MAPK10: variants seen among roughly 807,000 people sequenced by gnomAD.
MAPK10 encodes the protein mitogen-activated protein kinase 10, also known as JNK3 alpha protein kinase.
A neutral mutation model predicts 59.3 loss-of-function variants in MAPK10; 25 were observed. The ratio of observed to expected loss-of-function variants is 0.42; its 90% CI spans 0.31 to 0.59. MAPK10 has a LOEUF of 0.59. Among genes scored for constraint, MAPK10 ranks in the 20% least tolerant of loss-of-function variants. The pLI is 0.15. For missense variants in MAPK10, 351 were observed against 568.9 expected, an observed-to-expected ratio of 0.62 and a Z score of 3.90; for synonymous variants, 190 against 200.5, an observed-to-expected ratio of 0.95 and a Z score of 0.44.
chr4:86,311,181 T>C (rs1173705777), intron 2 of MAPK10, among the ~76,000 whole-genome samples: 2 of 152,008 alleles, frequency 1.3e-5, no homozygotes, highest in Non-Finnish European at 1.5e-5. Context: ...ATAGTATAAA[T>C]GTATTAATAT....
At chr4:86,147,474 T>C (rs912822008) in intron 4 of MAPK10, among the ~76,000 whole-genome samples, 2 of 152,206 alleles carry the variant, frequency 1.3e-5, no homozygotes, top group South Asian at 2.1e-4. Flanking sequence ...CAGGCACTAA[T>C]AAATATACCT....
At position 86,546,172 on chromosome 4, in the gene MAPK10, G is replaced by A. The variant is rs186880030; in HGVS notation, c.-263+47738C>T. On this transcript the variant is annotated intron_variant, in intron 1 of 4. Transcript: ENST00000502302. ...TGGGAGGCAGAGGCTGCAGTAAGCC[G>A]AGATGGCGCCATTGCACTCCAGTCT... Among the ~76,000 whole-genome samples the A allele has an allele frequency of 3.0e-4, 45 of 152,202 alleles. No individual in the cohort carries two copies. In the East Asian group the frequency reaches 7.2e-3, roughly 24 times the overall value.
intron 1 of MAPK10, among the ~76,000 whole-genome samples, chr4:86,587,803 A>G (rs1482527600): frequency 2.0e-5 from 3 of 152,204 alleles, no homozygotes; most frequent in Admixed American, 2.0e-4. Context: ...GGCATTTAAA[A>G]CACACACTCT....
intron 8 of MAPK10, chr4:86,100,426 A>G (rs1007895342): frequency 6.6e-6 from 1 of 152,188 alleles, no homozygotes; most frequent in Non-Finnish European, 1.5e-5. Flanking sequence ...TTATGAAAGC[A>G]GTAGTGTCAA....
In MAPK10 at chr4:86,194,104, G is replaced by A. The variant is rs1164877630; in HGVS notation, c.66+232C>T. On this transcript the variant is annotated intron_variant, in intron 3 of 13. Coordinates refer to ENST00000641462, the MANE Select transcript of MAPK10 (RefSeq NM_138982.4). ...ACTCTCTAACCTTTCCCAGTGAGATGAACCAGGTACCTCACGTGGAAATGC... is the reference window on the plus strand; with the variant it reads ...ACTCTCTAACCTTTCCCAGTGAGATAAACCAGGTACCTCACGTGGAAATGC... 6.0e-6 allele frequency: 3 copies of A among 496,882 alleles called. No homozygotes were observed. The East Asian group carries it at 1.1e-4, about 17-fold the overall frequency. 30.8% of individuals were successfully genotyped at this position (496,882 alleles called of 1,614,324 possible). A position where few individuals can be genotyped will look rare whatever the true frequency, so the allele number is the denominator to read the frequency against.
chr4:86,477,777 G>A lies in MAPK10; in HGVS notation c.-263+116133C>T, dbSNP rs143902993. On this transcript the variant is annotated intron_variant, in intron 1 of 4. Transcript: ENST00000502302. ...CTATCCACCCCATGGTGCCAAACCC[G>A]TATACTCTCCTATCCTCAATACCTC... is the stretch of plus-strand genomic sequence containing the variant. Among the ~76,000 whole-genome samples the A allele has an allele frequency of 1.8e-3, 252 of 143,564 alleles. No homozygotes were observed. In the East Asian group the frequency reaches 0.019, roughly 11 times the overall value. The allele number at this position is 143,564 out of a possible 152,430, so 94.2% of individuals were successfully genotyped here.
At chr4:86,548,525 G>T (rs958011069) in intron 1 of MAPK10, among the ~76,000 whole-genome samples, 1 of 152,186 alleles carries the variant, frequency 6.6e-6, no homozygotes, top group Non-Finnish European at 1.5e-5. Context: ...TGGAGGTGGG[G>T]TCTGGTGGGA....
chr4:86,150,777 G>T (rs2066242554), intron 4 of MAPK10, among the ~76,000 whole-genome samples: 1 of 152,138 alleles, frequency 6.6e-6, no homozygotes, highest in Non-Finnish European at 1.5e-5. Context: ...CAGGAGAATG[G>T]CAAGAACCAG....
At chr4:86,174,698 C>T (rs1163589547) in intron 3 of MAPK10, among the ~76,000 whole-genome samples, 1 of 152,160 alleles carries the variant, frequency 6.6e-6, no homozygotes, top group Non-Finnish European at 1.5e-5. Flanking sequence ...GATGACTAAA[C>T]TCCTGAGTCA....
chr4:86,155,189 CT>C (rs954313802), intron 4 of MAPK10, among the ~76,000 whole-genome samples: 13 of 151,690 alleles, frequency 8.6e-5, no homozygotes, highest in Non-Finnish European at 1.3e-4. Context: ...AAAGGGAGAA[CT>C]TTTTTTCAAA....
intron 2 of MAPK10, among the ~76,000 whole-genome samples, chr4:86,324,681 C>T (rs534329220): frequency 1.3e-5 from 2 of 152,290 alleles, no homozygotes; most frequent in African/African-American, 2.4e-5. Context: ...CTGAGAAACT[C>T]ACATTATCCA....
intron 1 of MAPK10, among the ~76,000 whole-genome samples, chr4:86,477,843 T>C (rs1168377945): frequency 6.6e-6 from 1 of 152,162 alleles, no homozygotes; most frequent in Non-Finnish European, 1.5e-5. Flanking sequence ...TCAAACATGT[T>C]TTCTCTACTA....
rs116801418 is a variant in MAPK10, at chr4:86,426,531, C to T, written c.-122+26499G>A. 6.2e-3 allele frequency among the ~76,000 whole-genome samples: 944 copies of T among 152,280 alleles called. 7 individuals carry two copies. The highest frequency in any genetic ancestry group is 0.02 in the African/African-American group (843 of 41,552). On this transcript the variant is annotated intron_variant, in intron 1 of 13. Transcript: ENST00000361569. The stretch of plus-strand genomic sequence containing the variant: ...ACAAAATAAATTTGCATTTAGATTC[C>T]GTCCTAAAAGTTGTGTTGGTTCAAC...
At chr4:86,136,143 T>A (rs1018098422) in intron 4 of MAPK10, among the ~76,000 whole-genome samples, 2 of 152,156 alleles carry the variant, frequency 1.3e-5, no homozygotes, top group African/African-American at 4.8e-5. Flanking sequence ...TTCCCCAGTC[T>A]AGCAAGGCAG....
At chr4:86,480,426 C>T (rs1316804532) in intron 1 of MAPK10, among the ~76,000 whole-genome samples, 3 of 152,108 alleles carry the variant, frequency 2.0e-5, no homozygotes, top group Non-Finnish European at 4.4e-5. Context: ...CACTGACTCT[C>T]TTTTCAGACT....
Position 86,042,538 on chromosome 4 carries a change from T to C in MAPK10, c.1111-11107A>G, listed in dbSNP as rs1399680044. Among the ~76,000 whole-genome samples the C allele has an allele frequency of 2.6e-5, 4 of 152,284 alleles. No individual in the cohort carries two copies. The East Asian group carries it at 7.7e-4, about 29-fold the overall frequency. On this transcript the variant is annotated intron_variant, in intron 11 of 13. Transcript: ENST00000641462. ...ACACAATATAAAAATATGTTAATTG[T>C]GACATCAAAAATTTTAAATGTGGGA...
At chr4:86,470,579 T>C (rs753973529) in intron 1 of MAPK10, among the ~76,000 whole-genome samples, 4 of 152,194 alleles carry the variant, frequency 2.6e-5, no homozygotes, top group Non-Finnish European at 4.4e-5. Context: ...CATACCTCTT[T>C]CTGTTAAATA....
rs115696897 is a variant in MAPK10, at chr4:86,521,278, G to T, written c.-263+72632C>A. Among the ~76,000 whole-genome samples, 374 of 152,286 alleles carry T rather than the reference G, an allele frequency of 2.5e-3. 1 individual carries two copies. The highest frequency in any genetic ancestry group is 4.0e-3 in the Non-Finnish European group (275 of 68,034). ...GCTTTCAAGACAGCATCTAGTAGAA[G>T]GGGGATATAATCTTACCCTATGTTG... On this transcript the variant is annotated intron_variant, in intron 1 of 4. Coordinates refer to the MAPK10 transcript ENST00000502302.
chr4:86,391,307 A>C (rs1324079347), intron 1 of MAPK10, among the ~76,000 whole-genome samples: 1 of 152,202 alleles, frequency 6.6e-6, no homozygotes, highest in East Asian at 1.9e-4. Context: ...GCTTTCCTTG[A>C]AAATTTTTTC....
Sources: allele counts gnomAD v4.1 joint callset (sites outside exome capture counted in the v4.1 genomes callset), GRCh38; gene constraint gnomAD v4.1.1; transcripts MANE v1.5; gene names NCBI Gene and HGNC (gene_info 2026-07-23, HGNC 2026-07-21).